Variants in PAK2 observed in about 807,000 individuals in gnomAD.
The protein encoded by PAK2 is p21 (RAC1) activated kinase 2.
PAK2 carries 21 observed loss-of-function variants against 65.9 expected under a neutral mutation model. That is an observed-to-expected ratio of 0.32 (90% CI 0.23 to 0.46). The LOEUF (loss-of-function observed/expected upper bound fraction) is 0.46. PAK2 is among the 20% of genes least tolerant of loss of function. The pLI is 1.00. For synonymous variants in PAK2, 204 were observed against 219.7 expected (o/e 0.93, Z 0.63); for missense variants, 324 against 642.6 (o/e 0.50, Z 5.36).
chr3:196,744,992 A>T (rs934810490), intron 1 of PAK2, among the ~76,000 whole-genome samples: 3 of 151,890 alleles, frequency 2.0e-5, no homozygotes, highest in Non-Finnish European at 2.9e-5. Context: ...ATTGAGTTGT[A>T]GAAGCTCTTC....
Position 196,803,011 on chromosome 3 carries a change from T to C in PAK2, c.289-6T>C, listed in dbSNP as rs771905631. On this transcript the variant is annotated splice_region_variant and splice_polypyrimidine_tract_variant and intron_variant, in intron 3 of 14. Transcript: ENST00000327134. The stretch of plus-strand genomic sequence containing the variant: ...CATAACTAATTTCTGAATATCTTCT[T>C]GTTAGGGCATGCCAGAACAGTGGGC... The C allele has an allele frequency of 1.9e-6, 3 of 1,547,162 alleles. No individual in the cohort carries two copies. In the South Asian group the frequency reaches 3.7e-5, roughly 19 times the overall value.
rs557085444 is a variant in PAK2 at position 196,831,967 on chromosome 3, G to A, written c.*3562G>A. The A allele has an allele frequency of 3.3e-5, 5 of 152,272 alleles. No individual in the cohort carries two copies. Among genetic ancestry groups the A allele is most frequent in the African/African-American group, 1.2e-4 (5 of 41,564 alleles). The allele number at this position is 152,272 out of a possible 1,614,324, so 9.4% of individuals were successfully genotyped here. ...CTGGTAAAATCAGTTTTTTGATAGTGTGTGTATATAAGAAAAAATAGATAC... is the reference window on the plus strand; with the variant it reads ...CTGGTAAAATCAGTTTTTTGATAGTATGTGTATATAAGAAAAAATAGATAC... On this transcript the variant is annotated 3_prime_UTR_variant, in exon 15 of 15. Transcript: ENST00000327134.
intron 1 of PAK2, among the ~76,000 whole-genome samples, chr3:196,754,209 C>G (rs892891950): frequency 6.6e-6 from 1 of 152,056 alleles, no homozygotes; most frequent in Non-Finnish European, 1.5e-5. Flanking sequence ...ACTGGAAGTT[C>G]CTGAAGTAAT....
chr3:196,764,068 C>A (rs987808171), intron 1 of PAK2, among the ~76,000 whole-genome samples: 1 of 151,352 alleles, frequency 6.6e-6, no homozygotes, highest in African/African-American at 2.4e-5. Flanking sequence ...TCCGAAAGTG[C>A]TGGGATTACA....
chr3:196,802,378 G>T (rs1715447121), intron 3 of PAK2, among the ~76,000 whole-genome samples: 1 of 152,092 alleles, frequency 6.6e-6, no homozygotes, highest in Admixed American at 6.6e-5. Flanking sequence ...TCCAGCCTGG[G>T]CAAGAAGAGT....
At chr3:196,803,281 C>T (rs1715477882) in intron 4 of PAK2, 117 bp downstream of exon 4, 1 of 806,646 alleles carries the variant, frequency 1.2e-6, no homozygotes, top group Admixed American at 3.0e-5. Context: ...AACGGTTTTT[C>T]CCTGGATAGA....
chr3:196,798,113 G>A (rs1369727018), intron 2 of PAK2, among the ~76,000 whole-genome samples: 1 of 152,002 alleles, frequency 6.6e-6, no homozygotes, highest in South Asian at 2.1e-4. Flanking sequence ...AGCAAAATGG[G>A]AATAAATGAA....
chr3:196,779,637 TTACAC>T (rs955274561), intron 1 of PAK2, among the ~76,000 whole-genome samples: 2 of 152,166 alleles, frequency 1.3e-5, no homozygotes, highest in African/African-American at 4.8e-5. Context: ...TTATAGCACT[TTACAC>T]TAATTATTGT....
chr3:196,795,121 A>G (rs1577727036), intron 2 of PAK2, among the ~76,000 whole-genome samples: 1 of 152,102 alleles, frequency 6.6e-6, no homozygotes, highest in Non-Finnish European at 1.5e-5. Flanking sequence ...CATAGGAAAC[A>G]TGAAAACTAC....
At chr3:196,751,884 A>G (rs1713615131) in intron 1 of PAK2, among the ~76,000 whole-genome samples, 1 of 150,270 alleles carries the variant, frequency 6.7e-6, no homozygotes, top group Non-Finnish European at 1.5e-5. Context: ...CTGGGATTAC[A>G]GGCGCATGCC....
chr3:196,778,567 T>C (rs1174169687), intron 1 of PAK2, among the ~76,000 whole-genome samples: 2 of 152,242 alleles, frequency 1.3e-5, no homozygotes, highest in East Asian at 1.9e-4. Flanking sequence ...CTTCCTCTAA[T>C]GTTAACATCT....
chr3:196,743,926 C>A (rs570805092), intron 1 of PAK2, among the ~76,000 whole-genome samples: 157 of 152,060 alleles, frequency 1.0e-3, no homozygotes, highest in Middle Eastern at 3.4e-3. Flanking sequence ...TCTAAAAGAA[C>A]GAAGTTTCTG....
rs116240731 is a variant in PAK2 at position 196,800,792 on chromosome 3, T to A, written c.188-1135T>A. Among the ~76,000 whole-genome samples the A allele has an allele frequency of 7.9e-3, 1,203 of 152,140 alleles. 12 individuals are homozygous for A. The highest frequency in any genetic ancestry group is 0.026 in the African/African-American group (1,072 of 41,506). On this transcript the variant is annotated intron_variant, in intron 2 of 14. Transcript: ENST00000327134. Reference sequence around the variant, plus strand: ...TGGAAATGCTGAGGGTTCCAACTTATATATATATAAAATTAGTGAAGAACT... The same window carrying A: ...TGGAAATGCTGAGGGTTCCAACTTAAATATATATAAAATTAGTGAAGAACT...
chr3:196,773,312 A>C (rs556078141), intron 1 of PAK2, among the ~76,000 whole-genome samples: 1 of 152,298 alleles, frequency 6.6e-6, no homozygotes, highest in African/African-American at 2.4e-5. Context: ...ACATAAGGTA[A>C]ATCAGTATTT....
intron 1 of PAK2, among the ~76,000 whole-genome samples, chr3:196,777,085 C>G (rs915190050): frequency 6.6e-6 from 1 of 152,182 alleles, no homozygotes; most frequent in African/African-American, 2.4e-5. Flanking sequence ...CAAAGAATAT[C>G]AGTCTTCTCA....
At chr3:196,760,907 T>C (rs1173696385) in intron 1 of PAK2, among the ~76,000 whole-genome samples, 1 of 152,146 alleles carries the variant, frequency 6.6e-6, no homozygotes, top group East Asian at 1.9e-4. Context: ...GTATGGAAAG[T>C]GTTACCTGCC....
At chr3:196,786,540 C>T (rs945830400) in intron 2 of PAK2, among the ~76,000 whole-genome samples, 2 of 152,064 alleles carry the variant, frequency 1.3e-5, no homozygotes, top group African/African-American at 2.4e-5. Context: ...AGACATTTTC[C>T]TGTATTTTTT....
At chr3:196,812,916 G>A (rs1715875234) in intron 10 of PAK2, 65 bp downstream of exon 10, 1 of 715,896 alleles carries the variant, frequency 1.4e-6, no homozygotes, top group South Asian at 1.6e-5. Context: ...ATGGTTTCGG[G>A]GGTGGGGCTG....
At chr3:196,762,256 G>A (rs1281091886) in intron 1 of PAK2, among the ~76,000 whole-genome samples, 3 of 113,978 alleles carry the variant, frequency 2.6e-5, no homozygotes, top group Non-Finnish European at 6.1e-5. Flanking sequence ...CAGACGATGG[G>A]CGGCCAGGCA....
Sources: allele counts gnomAD v4.1 joint callset (sites outside exome capture counted in the v4.1 genomes callset), GRCh38; gene constraint gnomAD v4.1.1; transcripts MANE v1.5; gene names NCBI Gene and HGNC (gene_info 2026-07-23, HGNC 2026-07-21).